NCALD: variants seen among roughly 807,000 people sequenced by gnomAD.
NCALD encodes the protein neurocalcin delta.
In NCALD, 10 loss-of-function variants were observed where a neutral mutation model predicts 18.6. The ratio of observed to expected loss-of-function variants is 0.54; its 90% CI spans 0.33 to 0.91. The LOEUF (loss-of-function observed/expected upper bound fraction) is 0.91, where lower values mean the gene tolerates loss of function less well. Among genes scored for constraint, NCALD ranks in the 40% least tolerant of loss-of-function variants. The probability of loss-of-function intolerance (pLI) is 0.03; values close to 1 mark genes in which losing one functional copy is unlikely to be tolerated. For synonymous variants in NCALD, 88 were observed against 87.4 expected (o/e 1.01, Z -0.04); for missense variants, 184 against 247.6 (o/e 0.74, Z 1.72).
At chr8:101,957,269 T>C (rs190626498) in intron 2 of NCALD, among the ~76,000 whole-genome samples, 39 of 146,044 alleles carry the variant, frequency 2.7e-4, no homozygotes, top group Admixed American at 2.6e-3. Flanking sequence ...AACAGATGGG[T>C]AGTAAAAAGA....
At chr8:102,008,395 C>A (rs1405199015) in intron 2 of NCALD, among the ~76,000 whole-genome samples, 1 of 147,574 alleles carries the variant, frequency 6.8e-6, no homozygotes, top group African/African-American at 2.5e-5. Flanking sequence ...TTAAAAGGCA[C>A]AAACTCTAAA....
At chr8:101,927,692 G>A (rs1448725652) in intron 2 of NCALD, among the ~76,000 whole-genome samples, 4 of 152,142 alleles carry the variant, frequency 2.6e-5, no homozygotes, top group Non-Finnish European at 1.5e-5. Context: ...ATTGCAAGGA[G>A]CTCCTTCCAA....
At chr8:101,745,576 A>G (rs1174950371) in intron 1 of NCALD, among the ~76,000 whole-genome samples, 1 of 152,162 alleles carries the variant, frequency 6.6e-6, no homozygotes, top group Non-Finnish European at 1.5e-5. Flanking sequence ...CTGGGAAAAG[A>G]CTTAATTACA....
intron 2 of NCALD, among the ~76,000 whole-genome samples, chr8:101,985,333 C>A (rs1410323508): frequency 1.3e-5 from 2 of 152,178 alleles, no homozygotes; most frequent in African/African-American, 4.8e-5. Context: ...CAGAACAGAC[C>A]TGAGCCCTCC....
At chr8:102,064,226 T>C (rs1021247068) in intron 1 of NCALD, among the ~76,000 whole-genome samples, 1 of 152,122 alleles carries the variant, frequency 6.6e-6, no homozygotes, top group African/African-American at 2.4e-5. Flanking sequence ...CACCCTGGAG[T>C]TAACCCTTCC....
At chr8:101,970,727 G>A (rs930498085) in intron 2 of NCALD, among the ~76,000 whole-genome samples, 3 of 152,178 alleles carry the variant, frequency 2.0e-5, no homozygotes, top group Non-Finnish European at 4.4e-5. Context: ...TGCATCAACT[G>A]TGTTTGCTAC....
intron 2 of NCALD, among the ~76,000 whole-genome samples, chr8:101,949,172 T>G (rs1399098129): frequency 2.6e-5 from 4 of 152,224 alleles, no homozygotes; most frequent in Non-Finnish European, 1.5e-5. Context: ...CATAGAACTT[T>G]CATTTAGCAA....
At chr8:102,091,662 G>T (rs570960844) in intron 1 of NCALD, among the ~76,000 whole-genome samples, 95 of 152,268 alleles carry the variant, frequency 6.2e-4, no homozygotes, top group Non-Finnish European at 1.3e-3. Flanking sequence ...TAGTGCTGTT[G>T]TACTCTGTGT....
intron 1 of NCALD, among the ~76,000 whole-genome samples, chr8:101,782,581 AT>A (rs1812060016): frequency 6.6e-6 from 1 of 152,056 alleles, no homozygotes; most frequent in African/African-American, 2.4e-5. Flanking sequence ...TAGATTATAT[AT>A]TTTTTCCTTT....
chr8:101,805,218 A>G (rs1486894657), intron 4 of NCALD, among the ~76,000 whole-genome samples: 3 of 152,220 alleles, frequency 2.0e-5, no homozygotes, highest in Non-Finnish European at 2.9e-5. Flanking sequence ...TTGAATTAAG[A>G]TCCAGTTCCT....
intron 2 of NCALD, among the ~76,000 whole-genome samples, chr8:101,699,645 G>A (rs1815165255): frequency 6.6e-6 from 1 of 152,146 alleles, no homozygotes; most frequent in Admixed American, 6.5e-5. Context: ...ATCATCCTCA[G>A]CAAACTAACA....
chr8:101,893,066 T>C (rs2131521764), intron 3 of NCALD, among the ~76,000 whole-genome samples: 1 of 150,558 alleles, frequency 6.6e-6, no homozygotes, highest in Admixed American at 6.6e-5. Context: ...AATTGTCAGA[T>C]TCACCAAAGT....
chr8:101,869,101 G>T (rs1209491311), intron 4 of NCALD, among the ~76,000 whole-genome samples: 1 of 152,202 alleles, frequency 6.6e-6, no homozygotes, highest in Non-Finnish European at 1.5e-5. Context: ...GGCCTGGAGA[G>T]TTCACACATG....
intron 3 of NCALD, among the ~76,000 whole-genome samples, chr8:101,891,497 T>C (rs960603592): frequency 2.0e-5 from 3 of 152,210 alleles, no homozygotes; most frequent in Admixed American, 6.5e-5. Context: ...TACTACAGTT[T>C]GCAGGGGAGG....
rs554953667 is a variant in NCALD, at chr8:101,880,459, C to T, written c.-20+6682G>A. Among the ~76,000 whole-genome samples, 11 of 152,278 alleles carry T rather than the reference C, an allele frequency of 7.2e-5. No individual in the cohort carries two copies. In the East Asian group the frequency reaches 1.7e-3, roughly 24 times the overall value. ...CCAGCCCGGAGAGGGGCCCCCACAG[C>T]GCAGTGGCGGACTGAAGGGCTCCTG... On this transcript the variant is annotated intron_variant, in intron 4 of 6. Coordinates refer to the NCALD transcript ENST00000311028.
rs1019365607 is a variant in NCALD, at chr8:101,689,002, C to A, written c.*307G>T. On this transcript the variant is annotated 3_prime_UTR_variant, in exon 4 of 4. Transcript: ENST00000220931. This position sits in a 1 kb window ranked among gnomAD's most constrained non-coding sequence, Gnocchi z 4.4. Reference sequence around the variant, plus strand: ...GGGTTTCCCTTCTTTTGCCCCAACCCCCGAGTCTTACGTTTTAGAACAGAG... The same window carrying A: ...GGGTTTCCCTTCTTTTGCCCCAACCACCGAGTCTTACGTTTTAGAACAGAG... 3 of 690,770 alleles carry A rather than the reference C, an allele frequency of 4.3e-6. No homozygotes were observed. Among genetic ancestry groups the A allele is most frequent in the Non-Finnish European group, 2.6e-6 (1 of 380,236 alleles). 42.8% of individuals were successfully genotyped at this position (690,770 alleles called of 1,614,324 possible).
chr8:101,698,276 A>G (rs1283503628), intron 2 of NCALD, among the ~76,000 whole-genome samples: 1 of 152,248 alleles, frequency 6.6e-6, no homozygotes, highest in African/African-American at 2.4e-5. Context: ...GCTCAAGTAA[A>G]TAAGAGAGAA....
At chr8:101,848,433 TCAAA>T (rs1441802135) in intron 4 of NCALD, among the ~76,000 whole-genome samples, 4 of 152,156 alleles carry the variant, frequency 2.6e-5, no homozygotes, top group African/African-American at 9.7e-5. Context: ...CTATTAACTC[TCAAA>T]CAGATACAGC....
At chr8:101,711,142 C>T (rs114673939) in intron 2 of NCALD, among the ~76,000 whole-genome samples, 3,921 of 152,198 alleles carry the variant, frequency 0.026, 128 homozygotes, top group African/African-American at 0.077. Context: ...GAGAGAACCC[C>T]CAGCAAACTC....
Sources: allele counts gnomAD v4.1 joint callset (sites outside exome capture counted in the v4.1 genomes callset), GRCh38; gene constraint gnomAD v4.1.1; non-coding constraint Gnocchi (gnomAD v3.1); transcripts MANE v1.5; gene names NCBI Gene and HGNC (gene_info 2026-07-23, HGNC 2026-07-21).